The following TMEM74 variants were observed in gnomAD, a reference collection of about 807,000 sequenced individuals.
TMEM74 encodes transmembrane protein 74.
In TMEM74, 13 loss-of-function variants were observed where a neutral mutation model predicts 18.1. The ratio of observed to expected loss-of-function variants is 0.72; its 90% CI spans 0.47 to 1.14. TMEM74 has a LOEUF of 1.14. Ranked by LOEUF, TMEM74 falls within the 50% of genes most tolerant of loss-of-function variation. The pLI is 0.00. For synonymous variants in TMEM74, 159 were observed against 146.6 expected (o/e 1.08, Z -0.61); for missense variants, 372 against 375.9 (o/e 0.99, Z 0.09).
chr8:108,685,821 TAAC>T (rs1197609362), intron 1 of TMEM74, among the ~76,000 whole-genome samples: 1 of 152,140 alleles, frequency 6.6e-6, no homozygotes, highest in Non-Finnish European at 1.5e-5. Context: ...TCTTTTCTAT[TAAC>T]AATAAAATTT....
Position 108,782,486 on chromosome 8 carries a change from C to T in TMEM74, c.*1695G>A, listed in dbSNP as rs942503384. On this transcript the variant is annotated 3_prime_UTR_variant, in exon 2 of 2. Transcript: ENST00000297459. ...TCCTCTCTTTTTACTATCTTCTGAG[C>T]CTCCCTTTTTGTATTTCAGTTCAAC... is the stretch of plus-strand genomic sequence containing the variant. Among the ~76,000 whole-genome samples the T allele has an allele frequency of 3.3e-5, 5 of 152,014 alleles. No individual in the cohort carries two copies. Among genetic ancestry groups the T allele is most frequent in the African/African-American group, 1.2e-4 (5 of 41,374 alleles).
intron 1 of TMEM74, among the ~76,000 whole-genome samples, chr8:108,709,867 T>C (rs573010079): frequency 5.3e-5 from 8 of 152,360 alleles, no homozygotes; most frequent in South Asian, 4.1e-4. Context: ...TCTTTGTATA[T>C]CAATCATATT....
Position 108,646,755 on chromosome 8 carries a change from G to C in TMEM74, n.264+8538C>G, listed in dbSNP as rs555827523. Among the ~76,000 whole-genome samples, 24 of 152,152 alleles carry C rather than the reference G, an allele frequency of 1.6e-4. No homozygotes were observed. In the East Asian group the frequency reaches 4.6e-3, roughly 29 times the overall value. ...ACATTAGCTAACTTGATTGTCTTTGGACTTCAATGCTGTCTTTATATATTT... is the reference window on the plus strand; with the variant it reads ...ACATTAGCTAACTTGATTGTCTTTGCACTTCAATGCTGTCTTTATATATTT... On this transcript the variant is annotated intron_variant and non_coding_transcript_variant, in intron 2 of 3. Transcript: ENST00000518838.
At chr8:108,647,663 C>G (rs1323925899) in intron 2 of TMEM74, among the ~76,000 whole-genome samples, 1 of 151,926 alleles carries the variant, frequency 6.6e-6, no homozygotes, top group African/African-American at 2.4e-5. Flanking sequence ...TACATGTATT[C>G]AATACAACCT....
intron 2 of TMEM74, among the ~76,000 whole-genome samples, chr8:108,624,058 T>C (rs1245871431): frequency 1.3e-5 from 2 of 152,106 alleles, no homozygotes; most frequent in Admixed American, 6.6e-5. Context: ...ATGCATAGTC[T>C]TGACAATTTA....
intron 2 of TMEM74, among the ~76,000 whole-genome samples, chr8:108,613,770 C>T (rs529629457): frequency 1.3e-5 from 2 of 152,274 alleles, no homozygotes; most frequent in South Asian, 2.1e-4. Flanking sequence ...TAGACACATT[C>T]CCCAGGGCTC....
chr8:108,739,864 G>A (rs543386864), intron 1 of TMEM74, among the ~76,000 whole-genome samples: 8 of 152,130 alleles, frequency 5.3e-5, no homozygotes, highest in Admixed American at 2.6e-4. Context: ...GAAGTCCGGC[G>A]GAGTCAAAGG....
intron 1 of TMEM74, among the ~76,000 whole-genome samples, chr8:108,759,906 G>T (rs955494819): frequency 2.0e-5 from 3 of 152,046 alleles, no homozygotes; most frequent in Non-Finnish European, 4.4e-5. Flanking sequence ...TAATATGCAT[G>T]ATGTAAAGCA....
downstream of TMEM74, among the ~76,000 whole-genome samples, chr8:108,776,791 T>G (rs1586294490): frequency 2.1e-5 from 3 of 145,876 alleles, no homozygotes; most frequent in East Asian, 2.0e-4. Flanking sequence ...AAAGAGGGAG[T>G]GGGGAAAAGG....
At chr8:108,657,898 A>ATG (rs1812860996) in intron 1 of TMEM74, among the ~76,000 whole-genome samples, 1 of 122,930 alleles carries the variant, frequency 8.1e-6, no homozygotes, top group African/African-American at 3.1e-5. Flanking sequence ...ATATATATAT[A>ATG]TATATTAATT....
chr8:108,641,913 C>T (rs189948965), intron 2 of TMEM74, among the ~76,000 whole-genome samples: 172 of 152,130 alleles, frequency 1.1e-3, no homozygotes, highest in Middle Eastern at 3.4e-3. Flanking sequence ...CACTGAACTG[C>T]TCTCAGGGAA....
rs1028462652 is a variant in TMEM74, at chr8:108,780,860, T to C, written c.*3321A>G. Among the ~76,000 whole-genome samples the C allele has an allele frequency of 9.2e-5, 14 of 152,256 alleles. No individual in the cohort carries two copies. Among genetic ancestry groups the C allele is most frequent in the Admixed American group, 5.2e-4 (8 of 15,286 alleles). ...TTATATGAGGGGCCAGTACATCTTA[T>C]TATGTGATCTGCTTTAAGAGCTCCC... is the stretch of plus-strand genomic sequence containing the variant. On this transcript the variant is annotated 3_prime_UTR_variant, in exon 2 of 2. Transcript: ENST00000297459.
At chr8:108,773,985 C>A (rs1486898299), downstream of TMEM74, among the ~76,000 whole-genome samples, 1 of 152,122 alleles carries the variant, frequency 6.6e-6, no homozygotes, top group Non-Finnish European at 1.5e-5. Context: ...ATGTATTATG[C>A]AGCCATATAT....
At chr8:108,687,753 A>G (rs1052637272) in intron 1 of TMEM74, among the ~76,000 whole-genome samples, 1 of 152,100 alleles carries the variant, frequency 6.6e-6, no homozygotes, top group Admixed American at 6.5e-5. Flanking sequence ...ATGAGAATCT[A>G]AAGCCACTGC....
intron 1 of TMEM74, among the ~76,000 whole-genome samples, chr8:108,786,690 A>C (rs1352687923): frequency 6.6e-6 from 1 of 152,214 alleles, no homozygotes. Flanking sequence ...CCCTCAATGA[A>C]TGAAGTGATG....
chr8:108,665,684 T>C (rs1812942979), intron 1 of TMEM74, among the ~76,000 whole-genome samples: 1 of 152,112 alleles, frequency 6.6e-6, no homozygotes, highest in South Asian at 2.1e-4. Flanking sequence ...GTGTGCAGAC[T>C]GGAGTCAAGA....
chr8:108,620,636 A>C (rs145392978), intron 2 of TMEM74, among the ~76,000 whole-genome samples: 51 of 152,282 alleles, frequency 3.3e-4, no homozygotes, highest in African/African-American at 1.2e-3. Flanking sequence ...AGGTTTGTGT[A>C]TATTCTTTCT....
chr8:108,753,146 C>A (rs138116942), intron 1 of TMEM74, among the ~76,000 whole-genome samples: 1 of 151,988 alleles, frequency 6.6e-6, no homozygotes, highest in Admixed American at 6.6e-5. Flanking sequence ...AGTAGTCTTT[C>A]GAGAATGAAT....
chr8:108,761,539 G>T (rs563507093), intron 1 of TMEM74, among the ~76,000 whole-genome samples: 1 of 152,180 alleles, frequency 6.6e-6, no homozygotes, highest in Non-Finnish European at 1.5e-5. Flanking sequence ...ATTTTAACAG[G>T]CTCTAAACTG....
Sources: gnomAD v4.1 joint callset for allele counts (sites outside exome capture counted in the v4.1 genomes callset) on GRCh38, gnomAD v4.1.1 for gene constraint, MANE v1.5 for transcripts, NCBI Gene and HGNC (gene_info 2026-07-23, HGNC 2026-07-21) for gene names.